SLC25A13: variants seen among roughly 807,000 people sequenced by gnomAD.
SLC25A13 encodes the protein electrogenic aspartate/glutamate antiporter SLC25A13, mitochondrial.
A neutral mutation model predicts 85.5 loss-of-function variants in SLC25A13; 70 were observed. The ratio of observed to expected loss-of-function variants is 0.82; its 90% CI spans 0.68 to 1.00. The LOEUF is 1.00. SLC25A13 is among the 50% of genes least tolerant of loss of function. The probability of loss-of-function intolerance (pLI) is 0.00; values close to 1 mark genes in which losing one functional copy is unlikely to be tolerated. For synonymous variants in SLC25A13, 259 were observed against 288.7 expected, an observed-to-expected ratio of 0.90 and a Z score of 1.04; for missense variants, 765 against 819.8, an observed-to-expected ratio of 0.93 and a Z score of 0.82.
intron 2 of SLC25A13, among the ~76,000 whole-genome samples, chr7:96,281,087 G>A (rs1276114750): frequency 6.6e-6 from 1 of 152,104 alleles, no homozygotes. Flanking sequence ...ATACAACACA[G>A]CAATGAGAAA....
chr7:96,134,089 C>T (rs916197494), intron 14 of SLC25A13, among the ~76,000 whole-genome samples: 3 of 150,126 alleles, frequency 2.0e-5, no homozygotes, highest in Non-Finnish European at 4.4e-5. Flanking sequence ...AATGCAGTGG[C>T]ATGATCTCAG....
At position 96,120,778 on chromosome 7, in the gene SLC25A13, T is replaced by G. The variant is rs990190192; in HGVS notation, c.*413A>C. ...CCAGTGTTTTTTATTTTTATAAATATGCACCTAGTTTCCTACCAGTTTAAA... is the reference window on the plus strand; with the variant it reads ...CCAGTGTTTTTTATTTTTATAAATAGGCACCTAGTTTCCTACCAGTTTAAA... On this transcript the variant is annotated 3_prime_UTR_variant, in exon 18 of 18. Coordinates refer to ENST00000265631, the MANE Select transcript of SLC25A13 (RefSeq NM_014251.3). The G allele has an allele frequency of 6.6e-6, 3 of 456,674 alleles. No individual in the cohort carries two copies. The highest frequency in any genetic ancestry group is 6.0e-5 in the African/African-American group (3 of 50,106). The allele number at this position is 456,674 out of a possible 1,614,324, so 28.3% of individuals were successfully genotyped here.
intron 4 of SLC25A13, among the ~76,000 whole-genome samples, chr7:96,213,843 T>A (rs544680260): frequency 1.6e-4 from 24 of 152,238 alleles, no homozygotes; most frequent in Non-Finnish European, 3.4e-4. Flanking sequence ...CATGTAGCAC[T>A]AGTATATATT....
At chr7:96,277,793 C>CT (rs201224352) in intron 2 of SLC25A13, among the ~76,000 whole-genome samples, 3 of 89,392 alleles carry the variant, frequency 3.4e-5, no homozygotes, top group African/African-American at 1.2e-4. Flanking sequence ...AGGCACATAG[C>CT]TTTTTAAAAA....
At chr7:96,249,233 A>G (rs950434845) in intron 3 of SLC25A13, among the ~76,000 whole-genome samples, 13 of 152,380 alleles carry the variant, frequency 8.5e-5, no homozygotes, top group African/African-American at 3.1e-4. Context: ...CAGTAAACAG[A>G]ATACTACTAT....
intron 1 of SLC25A13, among the ~76,000 whole-genome samples, chr7:96,314,355 C>CA (rs1450627234): frequency 4.6e-5 from 7 of 152,068 alleles, no homozygotes; most frequent in African/African-American, 1.7e-4. Context: ...AGGAGAAGGA[C>CA]ATTTAATTTA....
In SLC25A13 at chr7:96,269,235, C is replaced by A. The variant is rs540973551; in HGVS notation, c.212+7961G>T. Among the ~76,000 whole-genome samples the A allele has an allele frequency of 2.4e-4, 36 of 152,284 alleles. 1 individual carries two copies. The South Asian group carries it at 7.5e-3, about 32-fold the overall frequency. On this transcript the variant is annotated intron_variant, in intron 3 of 17. Coordinates refer to ENST00000265631, the MANE Select transcript of SLC25A13 (RefSeq NM_014251.3). ...CAGAGAGAAGCTCCAACATGGAAGG[C>A]TGACCAATGTACCCAAGGCACTCAT... is the stretch of plus-strand genomic sequence containing the variant.
At chr7:96,164,513 C>T (rs1793656091) in intron 13 of SLC25A13, among the ~76,000 whole-genome samples, 1 of 152,130 alleles carries the variant, frequency 6.6e-6, no homozygotes, top group Admixed American at 6.6e-5. Flanking sequence ...AAGTTGCTAT[C>T]TAAATTTTAT....
chr7:96,304,378 G>A (rs1584598547), intron 1 of SLC25A13, among the ~76,000 whole-genome samples: 1 of 152,160 alleles, frequency 6.6e-6, no homozygotes, highest in African/African-American at 2.4e-5. Flanking sequence ...TTATCAGAAG[G>A]ATTCAGTAGG....
chr7:96,238,389 A>T (rs555423378), intron 3 of SLC25A13, among the ~76,000 whole-genome samples: 1 of 106,844 alleles, frequency 9.4e-6, no homozygotes, highest in Non-Finnish European at 2.3e-5. Context: ...TAGGACAACT[A>T]ATTTGTTTTT....
chr7:96,253,706 C>A (rs1041390186), intron 3 of SLC25A13, among the ~76,000 whole-genome samples: 6 of 152,080 alleles, frequency 3.9e-5, no homozygotes, highest in African/African-American at 1.4e-4. Context: ...GCAGGGAATG[C>A]AGAACATAGG....
At chr7:96,169,552 C>G (rs1242207789) in intron 13 of SLC25A13, among the ~76,000 whole-genome samples, 1 of 152,050 alleles carries the variant, frequency 6.6e-6, no homozygotes, top group Non-Finnish European at 1.5e-5. Flanking sequence ...TTTGACAATG[C>G]AGCGCACACT....
chr7:96,237,117 C>T (rs998146516), intron 3 of SLC25A13, among the ~76,000 whole-genome samples: 4 of 152,218 alleles, frequency 2.6e-5, no homozygotes, highest in Non-Finnish European at 4.4e-5. Flanking sequence ...AAACTCCACA[C>T]TCAGAAGCCC....
At chr7:96,131,351 G>A (rs1033841125) in intron 15 of SLC25A13, among the ~76,000 whole-genome samples, 21 of 152,088 alleles carry the variant, frequency 1.4e-4, no homozygotes, top group African/African-American at 5.1e-4. Flanking sequence ...TTAAGTTCTG[G>A]ACAGGCTTTT....
chr7:96,178,277 C>G (rs572297793), intron 11 of SLC25A13, among the ~76,000 whole-genome samples: 1 of 152,066 alleles, frequency 6.6e-6, no homozygotes, highest in African/African-American at 2.4e-5. Context: ...CAAAGGACCA[C>G]GCTGGGCAAC....
At chr7:96,314,870 T>C (rs1399357352) in intron 1 of SLC25A13, among the ~76,000 whole-genome samples, 1 of 152,166 alleles carries the variant, frequency 6.6e-6, no homozygotes, top group African/African-American at 2.4e-5. Flanking sequence ...TCCCCACACC[T>C]TTCCAACCCT....
intron 4 of SLC25A13, among the ~76,000 whole-genome samples, chr7:96,232,289 A>G (rs374718686): frequency 6.6e-6 from 1 of 152,186 alleles, no homozygotes; most frequent in African/African-American, 2.4e-5. Context: ...CTCTACAGGA[A>G]CTTGGATGGA....
intron 14 of SLC25A13, among the ~76,000 whole-genome samples, chr7:96,138,147 T>G (rs2116451812): frequency 6.6e-6 from 1 of 152,328 alleles, no homozygotes; most frequent in Non-Finnish European, 1.5e-5. Flanking sequence ...TATACAAGTC[T>G]AGGTTGAAAA....
intron 11 of SLC25A13, among the ~76,000 whole-genome samples, chr7:96,173,938 G>GAT (rs1584409859): frequency 6.6e-6 from 1 of 152,204 alleles, no homozygotes; most frequent in East Asian, 1.9e-4. Context: ...GAAGCAACAA[G>GAT]ATGAAAAGAT....
Sources: gnomAD v4.1 joint callset for allele counts (sites outside exome capture counted in the v4.1 genomes callset) on GRCh38, gnomAD v4.1.1 for gene constraint, MANE v1.5 for transcripts, NCBI Gene and HGNC (gene_info 2026-07-23, HGNC 2026-07-21) for gene names.